Variants in THAP4 observed in about 807,000 individuals in gnomAD.
The protein encoded by THAP4 is peroxynitrite isomerase THAP4.
In THAP4, 18 loss-of-function variants were observed where a neutral mutation model predicts 48.1. The ratio of observed to expected loss-of-function variants is 0.37; its 90% CI spans 0.26 to 0.56. THAP4 has a LOEUF of 0.56. THAP4 is among the 20% of genes least tolerant of loss of function. THAP4 has a pLI of 0.78. For synonymous variants in THAP4, 345 were observed against 324.9 expected (o/e 1.06, Z -0.66); for missense variants, 656 against 774.9 (o/e 0.85, Z 1.82).
chr2:241,619,276 C>T (rs1160503224), intron 2 of THAP4, among the ~76,000 whole-genome samples: 1 of 152,214 alleles, frequency 6.6e-6, no homozygotes, highest in Non-Finnish European at 1.5e-5. Flanking sequence ...AGCCCGAGTG[C>T]CAGCCAGGTT....
intron 2 of THAP4, among the ~76,000 whole-genome samples, chr2:241,619,186 T>A (rs1219836101): frequency 6.6e-6 from 1 of 152,158 alleles, no homozygotes. Flanking sequence ...GTGGAAGGCA[T>A]GCTCGGAGAA....
intron 3 of THAP4, among the ~76,000 whole-genome samples, chr2:241,604,921 C>T (rs996384596): frequency 1.3e-5 from 2 of 152,204 alleles, no homozygotes; most frequent in South Asian, 2.1e-4. Flanking sequence ...TGCTCACTAA[C>T]ATAACCCCGA....
chr2:241,591,718 G>A (rs34540362), intron 5 of THAP4, among the ~76,000 whole-genome samples: 50,745 of 151,966 alleles, frequency 0.33, 8,853 homozygotes, highest in South Asian at 0.46. Flanking sequence ...ACACAACTCA[G>A]CCCCAGGTGG....
intron 5 of THAP4, among the ~76,000 whole-genome samples, chr2:241,591,564 A>T (rs1336699961): frequency 6.6e-6 from 1 of 152,164 alleles, no homozygotes. Context: ...AGAGAGGGTG[A>T]GAAGCAGACC....
chr2:241,594,189 C>T (rs1287386908), intron 5 of THAP4, among the ~76,000 whole-genome samples: 1 of 152,158 alleles, frequency 6.6e-6, no homozygotes, highest in East Asian at 1.9e-4. Context: ...ATGCTCAGGA[C>T]AGGCAATCTA....
intron 2 of THAP4, among the ~76,000 whole-genome samples, chr2:241,618,841 C>T (rs907811464): frequency 1.3e-5 from 2 of 152,130 alleles, no homozygotes; most frequent in African/African-American, 4.8e-5. Context: ...AAAAAAACAC[C>T]TCATGTCTCT....
chr2:241,619,612 C>T (rs1336456826), intron 2 of THAP4, among the ~76,000 whole-genome samples: 1 of 152,214 alleles, frequency 6.6e-6, no homozygotes, highest in African/African-American at 2.4e-5. Context: ...CTGCATAAGG[C>T]ACTTACCAGC....
rs201574977 is a variant in THAP4 at position 241,625,813 on chromosome 2, A to G, written c.1240+7104T>C. Among the ~76,000 whole-genome samples the G allele has an allele frequency of 1.1e-3, 159 of 141,486 alleles. 3 individuals carry two copies. The highest frequency in any genetic ancestry group is 2.9e-3 in the African/African-American group (112 of 38,328). The allele number at this position is 141,486 out of a possible 152,430, so 92.8% of individuals were successfully genotyped here. A position where few individuals can be genotyped will look rare whatever the true frequency, so the allele number is the denominator to read the frequency against. ...ACTCCGTCTCAAAAAAAAAAAAAAA[A>G]AAAAAAAAAAAGAAAAAAGAAAACT... is the stretch of plus-strand genomic sequence containing the variant. On this transcript the variant is annotated intron_variant, in intron 2 of 5. Transcript: ENST00000407315.
chr2:241,607,994 C>A (rs1311245622), intron 2 of THAP4, among the ~76,000 whole-genome samples: 2 of 145,572 alleles, frequency 1.4e-5, no homozygotes, highest in African/African-American at 5.1e-5. Context: ...CAGGACTGAC[C>A]CCCAGTGTCT....
At chr2:241,624,863 A>T (rs1452621442) in intron 2 of THAP4, among the ~76,000 whole-genome samples, 1 of 152,210 alleles carries the variant, frequency 6.6e-6, no homozygotes, top group Admixed American at 6.5e-5. Flanking sequence ...TATGACGAAC[A>T]GAGCAAAGAC....
chr2:241,620,727 A>T (rs537079680), intron 2 of THAP4, among the ~76,000 whole-genome samples: 78 of 152,032 alleles, frequency 5.1e-4, no homozygotes, highest in African/African-American at 1.7e-3. Flanking sequence ...ACACTATGGT[A>T]GACTTTCTCA....
chr2:241,584,610 G>A lies in THAP4; in HGVS notation c.1730C>T (p.Pro577Leu), dbSNP rs776901781. 7.8e-5 allele frequency: 126 copies of A among 1,614,052 alleles called. 1 individual carries two copies. In the South Asian group the frequency reaches 9.2e-4, roughly 12 times the overall value. The change falls in exon 6 of 6, where the codon CCG (proline) becomes CTG (leucine). Residue 577 changes from proline to leucine, a missense_variant. Coordinates refer to ENST00000407315, the MANE Select transcript of THAP4 (RefSeq NM_015963.6). ...AGGGCTCCAGAAGCTCTAGGTTTAC[G>A]GGGTCACCTTCTTGTAGGTGACGTG... ...HLHVTYKKVT[P>L]
At chr2:241,623,443 G>A (rs1442004162) in intron 2 of THAP4, among the ~76,000 whole-genome samples, 3 of 152,004 alleles carry the variant, frequency 2.0e-5, no homozygotes, top group Non-Finnish European at 4.4e-5. Context: ...AGCAGGGCAT[G>A]GTGGCACGCA....
chr2:241,625,937 C>G (rs527702391), intron 2 of THAP4, among the ~76,000 whole-genome samples: 1 of 151,980 alleles, frequency 6.6e-6, no homozygotes, highest in South Asian at 2.1e-4. Flanking sequence ...TTGCCATGAC[C>G]CAGTGAGATC....
In THAP4 at chr2:241,633,011, G is replaced by A. The variant is rs1472644278; in HGVS notation, c.1146C>T (p.Arg382=). Reference sequence around the variant, plus strand: ...GTAGCTTCCGCACCTGGCTGTCGGAGCGGCTGACCCTCTGCCGCAGGCTCT... The same window carrying A: ...GTAGCTTCCGCACCTGGCTGTCGGAACGGCTGACCCTCTGCCGCAGGCTCT... The part of the protein sequence containing the change: ...ELKSLRQRVS[R]SDSQVRKLQE... Residue 382 remains arginine, a synonymous_variant, in exon 2 of 6, where the codon CGC becomes CGT. Transcript: ENST00000407315. The surrounding 1 kb of genome is among the most constrained non-coding windows in gnomAD (Gnocchi z 7.5). 1 of 1,613,760 alleles carries A rather than the reference G, an allele frequency of 6.2e-7. No individual in the cohort carries two copies. The highest frequency in any genetic ancestry group is 8.5e-7 in the Non-Finnish European group (1 of 1,179,968).
intron 5 of THAP4, among the ~76,000 whole-genome samples, chr2:241,596,279 G>C (rs1373324174): frequency 6.6e-6 from 1 of 151,188 alleles, no homozygotes; most frequent in Admixed American, 6.6e-5. Flanking sequence ...GGCTGAGGAG[G>C]GTGGATCACC....
chr2:241,615,202 G>A (rs1299286439), intron 2 of THAP4, among the ~76,000 whole-genome samples: 1 of 152,152 alleles, frequency 6.6e-6, no homozygotes, highest in African/African-American at 2.4e-5. Context: ...TGACGGGGAG[G>A]GGCTTGGAGG....
intron 5 of THAP4, among the ~76,000 whole-genome samples, chr2:241,600,586 G>A (rs912649781): frequency 6.6e-6 from 1 of 151,902 alleles, no homozygotes. Context: ...AAATGATCTG[G>A]GTGTGGTGGC....
At chr2:241,604,412 C>T (rs974965938) in intron 3 of THAP4, among the ~76,000 whole-genome samples, 2 of 151,950 alleles carry the variant, frequency 1.3e-5, no homozygotes, top group Non-Finnish European at 2.9e-5. Context: ...CCACCATGCC[C>T]GGCTAATTTT....
Sources: allele counts gnomAD v4.1 joint callset (sites outside exome capture counted in the v4.1 genomes callset), GRCh38; gene constraint gnomAD v4.1.1; non-coding constraint Gnocchi (gnomAD v3.1); transcripts MANE v1.5; gene names NCBI Gene and HGNC (gene_info 2026-07-23, HGNC 2026-07-21).